Variants in SGCZ observed in about 807,000 individuals in gnomAD.
The protein encoded by SGCZ is zeta-sarcoglycan.
In SGCZ, 40 loss-of-function variants were observed where a neutral mutation model predicts 41.3. That is an observed-to-expected ratio of 0.97 (90% CI 0.75 to 1.26). The LOEUF (loss-of-function observed/expected upper bound fraction) is 1.26. SGCZ is among the 50% of genes most tolerant of loss of function. The pLI is 0.00. For missense variants in SGCZ, 552 were observed against 369.8 expected, an observed-to-expected ratio of 1.49 and a Z score of -4.04; for synonymous variants, 206 against 137.5, an observed-to-expected ratio of 1.50 and a Z score of -3.49.
In SGCZ at chr8:14,214,050, G is replaced by C. The variant is rs1805909177; in HGVS notation, c.424+23542C>G. Among the ~76,000 whole-genome samples the C allele has an allele frequency of 3.9e-5, 6 of 152,080 alleles. No individual in the cohort carries two copies. In the South Asian group the frequency reaches 1.2e-3, roughly 31 times the overall value. ...GAGAGCCAAAAAGAGTGACTTTACA[G>C]TGGAGAAATCTAACAAACGTTAACC... On this transcript the variant is annotated intron_variant, in intron 4 of 7. Coordinates refer to ENST00000382080, the MANE Select transcript of SGCZ (RefSeq NM_139167.4).
intron 1 of SGCZ, among the ~76,000 whole-genome samples, chr8:14,948,566 G>A (rs561262166): frequency 6.6e-6 from 1 of 152,004 alleles, no homozygotes; most frequent in South Asian, 2.1e-4. Context: ...TGGTAGTCTT[G>A]ACTTCCTTAG....
intron 2 of SGCZ, among the ~76,000 whole-genome samples, chr8:14,394,786 G>C (rs1232558303): frequency 6.6e-6 from 1 of 152,022 alleles, no homozygotes; most frequent in East Asian, 1.9e-4. Context: ...AAATCATGAA[G>C]GTAAAAAAAG....
chr8:15,141,297 T>C (rs952473510), intron 1 of SGCZ, among the ~76,000 whole-genome samples: 9 of 152,250 alleles, frequency 5.9e-5, no homozygotes, highest in African/African-American at 1.7e-4. Context: ...CAACTTCTTT[T>C]TCCTGGTAAG....
At chr8:14,206,239 T>C (rs1355974791) in intron 4 of SGCZ, among the ~76,000 whole-genome samples, 1 of 152,182 alleles carries the variant, frequency 6.6e-6, no homozygotes, top group Non-Finnish European at 1.5e-5. Flanking sequence ...TTACCTAGTC[T>C]GTAATGTTTA....
chr8:14,464,886 T>G (rs984349658), intron 2 of SGCZ, among the ~76,000 whole-genome samples: 2 of 151,634 alleles, frequency 1.3e-5, no homozygotes, highest in African/African-American at 4.8e-5. Context: ...ATGTGAATTT[T>G]CCTGTTTCTC....
intron 2 of SGCZ, among the ~76,000 whole-genome samples, chr8:14,450,865 G>A (rs1246225100): frequency 2.0e-5 from 3 of 152,080 alleles, no homozygotes; most frequent in Non-Finnish European, 4.4e-5. Flanking sequence ...TTCTCTTCAA[G>A]GATACTACAA....
At chr8:14,321,173 C>A (rs947760199) in intron 3 of SGCZ, among the ~76,000 whole-genome samples, 3 of 152,042 alleles carry the variant, frequency 2.0e-5, no homozygotes, top group African/African-American at 7.2e-5. Flanking sequence ...ATATATTTAA[C>A]TTCACAAATG....
At chr8:14,325,747 CATATATATAT>C (rs370021799) in intron 2 of SGCZ, among the ~76,000 whole-genome samples, 808 of 69,304 alleles carry the variant, frequency 0.012, 15 homozygotes, top group African/African-American at 0.033. Flanking sequence ...CACACACACA[CATATATATAT>C]ATATATATAT....
At chr8:14,518,056 G>T (rs1802677433) in intron 2 of SGCZ, among the ~76,000 whole-genome samples, 1 of 151,602 alleles carries the variant, frequency 6.6e-6, no homozygotes, top group East Asian at 1.9e-4. Flanking sequence ...AGTTTTTTAA[G>T]CAATAAGGTT....
At chr8:14,954,143 G>C (rs145007026) in intron 1 of SGCZ, among the ~76,000 whole-genome samples, 9 of 152,238 alleles carry the variant, frequency 5.9e-5, no homozygotes, top group African/African-American at 2.2e-4. Context: ...ATGTAGACTT[G>C]TCTAAAGTAC....
intron 5 of SGCZ, among the ~76,000 whole-genome samples, chr8:14,163,424 T>A (rs555326957): frequency 3.3e-4 from 51 of 152,314 alleles, no homozygotes; most frequent in African/African-American, 1.1e-3. Flanking sequence ...ATGTGGTGTT[T>A]GGCTTTCTAT....
chr8:14,129,555 C>T, intron 5 of SGCZ, among the ~76,000 whole-genome samples: 2 of 151,468 alleles, frequency 1.3e-5, no homozygotes, highest in Middle Eastern at 6.8e-3. Flanking sequence ...AATTTTGCAA[C>T]AAAGGCAGGG....
chr8:14,235,787 T>G (rs985201095), intron 4 of SGCZ, among the ~76,000 whole-genome samples: 1 of 152,024 alleles, frequency 6.6e-6, no homozygotes, highest in South Asian at 2.1e-4. Context: ...TGGGTTCGAG[T>G]GATTCTCCAG....
At chr8:14,261,787 C>A (rs1799676627) in intron 3 of SGCZ, among the ~76,000 whole-genome samples, 1 of 152,054 alleles carries the variant, frequency 6.6e-6, no homozygotes, top group African/African-American at 2.4e-5. Flanking sequence ...TATTCCATTT[C>A]ATTAGGGTAT....
intron 1 of SGCZ, among the ~76,000 whole-genome samples, chr8:15,106,993 T>C (rs553973285): frequency 3.3e-5 from 5 of 152,296 alleles, no homozygotes; most frequent in South Asian, 2.1e-4. Flanking sequence ...CATATTAATA[T>C]GGTAGACTGT....
At position 14,087,576 on chromosome 8, in the gene SGCZ, T is replaced by C. The variant is rs1801558153; in HGVS notation, c.*2867A>G. ...CATGTAGTACACTATAAAGGACTCA[T>C]TTTTCTCAGTGTCATTTGGGGAAGA... is the stretch of plus-strand genomic sequence containing the variant. On this transcript the variant is annotated 3_prime_UTR_variant, in exon 8 of 8. Coordinates refer to ENST00000382080, the MANE Select transcript of SGCZ (RefSeq NM_139167.4). 6.6e-6 allele frequency among the ~76,000 whole-genome samples: 1 copy of C among 151,688 alleles called. No homozygotes were observed. The highest frequency in any genetic ancestry group is 6.6e-5 in the Admixed American group (1 of 15,184).
intron 4 of SGCZ, among the ~76,000 whole-genome samples, chr8:14,228,691 C>T (rs57809851): frequency 1.6e-3 from 250 of 152,022 alleles, no homozygotes; most frequent in African/African-American, 5.7e-3. Context: ...CAGTGGGACA[C>T]CTTTACAATA....
At chr8:14,990,569 T>C (rs191134700) in intron 1 of SGCZ, among the ~76,000 whole-genome samples, 43 of 152,082 alleles carry the variant, frequency 2.8e-4, no homozygotes, top group African/African-American at 9.6e-4. Flanking sequence ...CAATGCCCAA[T>C]GATTTGTCAC....
chr8:14,884,541 G>C (rs1296206279), intron 1 of SGCZ, among the ~76,000 whole-genome samples: 1 of 151,812 alleles, frequency 6.6e-6, no homozygotes, highest in South Asian at 2.1e-4. Context: ...TTTGCATATA[G>C]ATTACTAAAG....
Sources: gnomAD v4.1 joint callset for allele counts (sites outside exome capture counted in the v4.1 genomes callset) on GRCh38, gnomAD v4.1.1 for gene constraint, MANE v1.5 for transcripts, NCBI Gene and HGNC (gene_info 2026-07-23, HGNC 2026-07-21) for gene names.